PATJ: variants seen among roughly 807,000 people sequenced by gnomAD.
The protein encoded by PATJ is PATJ crumbs cell polarity complex component.
A neutral mutation model predicts 224.9 loss-of-function variants in PATJ; 190 were observed. That is an observed-to-expected ratio of 0.84 (90% confidence interval 0.75 to 0.95). PATJ has a LOEUF of 0.95. PATJ is among the 40% of genes least tolerant of loss of function. PATJ has a pLI of 0.00. For synonymous variants in PATJ, 769 were observed against 820.3 expected, an observed-to-expected ratio of 0.94 and a Z score of 1.07; for missense variants, 2,121 against 2,270.3, an observed-to-expected ratio of 0.93 and a Z score of 1.34.
chr1:61,810,024 T>C lies in PATJ; in HGVS notation c.1683+1494T>C, dbSNP rs374763251. 3.3e-5 allele frequency among the ~76,000 whole-genome samples: 5 copies of C among 151,726 alleles called. No individual in the cohort carries two copies. In the East Asian group the frequency reaches 9.9e-4, roughly 30 times the overall value. The stretch of plus-strand genomic sequence containing the variant: ...CACCACCCCCGGCTAATTTTTTTCT[T>C]TTTTAAGTAGAGATGGGGTTTCACC... On this transcript the variant is annotated intron_variant, in intron 14 of 43. Coordinates refer to ENST00000642238, the MANE Select transcript of PATJ (RefSeq NM_001350145.3).
At chr1:62,103,784 G>A (rs1433569613) in intron 33 of PATJ, among the ~76,000 whole-genome samples, 5 of 150,486 alleles carry the variant, frequency 3.3e-5, no homozygotes, top group East Asian at 1.9e-4. Context: ...GCAATCTATC[G>A]CTTCCTTACT....
intron 31 of PATJ, among the ~76,000 whole-genome samples, chr1:62,057,395 A>G (rs538042588): frequency 4.6e-5 from 7 of 152,308 alleles, no homozygotes; most frequent in African/African-American, 1.7e-4. Context: ...CAGCCAGGCC[A>G]TGTTAAGCAC....
At chr1:61,991,034 C>T (rs1053073080) in intron 28 of PATJ, among the ~76,000 whole-genome samples, 5 of 152,140 alleles carry the variant, frequency 3.3e-5, no homozygotes, top group African/African-American at 1.2e-4. Context: ...TTCATTCACT[C>T]ATTCTTTCAG....
chr1:62,023,597 C>T (rs201119468), intron 29 of PATJ, among the ~76,000 whole-genome samples: 4 of 152,030 alleles, frequency 2.6e-5, no homozygotes, highest in African/African-American at 9.7e-5. Flanking sequence ...GTCTTTGGGG[C>T]CCATGGGAAG....
chr1:61,928,824 T>G (rs1411621616), intron 27 of PATJ, among the ~76,000 whole-genome samples: 1 of 151,912 alleles, frequency 6.6e-6, no homozygotes, highest in Non-Finnish European at 1.5e-5. Context: ...ATAAAATAAA[T>G]AACTTTATGA....
intron 33 of PATJ, among the ~76,000 whole-genome samples, chr1:62,102,952 G>A (rs942822570): frequency 6.0e-5 from 9 of 151,238 alleles, no homozygotes; most frequent in Non-Finnish European, 5.9e-5. Context: ...TTTCTGTAGT[G>A]CAAACCCCTA....
At chr1:62,150,468 A>G (rs1387920106) in intron 42 of PATJ, among the ~76,000 whole-genome samples, 1 of 152,074 alleles carries the variant, frequency 6.6e-6, no homozygotes, top group Non-Finnish European at 1.5e-5. Flanking sequence ...TCAGTTAAGG[A>G]GTGTAGTTGG....
chr1:62,104,703 CA>C (rs1425155434), intron 33 of PATJ, among the ~76,000 whole-genome samples: 3 of 152,214 alleles, frequency 2.0e-5, no homozygotes, highest in East Asian at 3.9e-4. Context: ...GGCAGAGTCT[CA>C]TTCTGTCTTG....
chr1:61,755,815 ATTTTT>A (rs916288563), intron 1 of PATJ, among the ~76,000 whole-genome samples: 1 of 151,304 alleles, frequency 6.6e-6, no homozygotes, highest in African/African-American at 2.4e-5. Flanking sequence ...TCTTTTTATT[ATTTTT>A]TTTTAGACGG....
chr1:62,079,872 C>T (rs535970658), intron 32 of PATJ, among the ~76,000 whole-genome samples: 10 of 151,882 alleles, frequency 6.6e-5, no homozygotes, highest in South Asian at 4.2e-4. Flanking sequence ...ACTAAAAATA[C>T]GAAAAATTAG....
chr1:62,152,634 G>C (rs1668740126), intron 42 of PATJ, among the ~76,000 whole-genome samples: 1 of 151,678 alleles, frequency 6.6e-6, no homozygotes, highest in African/African-American at 2.4e-5. Flanking sequence ...CTGGGTGACA[G>C]AGCAAGACTC....
chr1:61,808,528 A>G lies in PATJ; in HGVS notation c.1681A>G (p.Lys561Glu), dbSNP rs367986948. ...TGATGCTGAGTTACAGAAATATTCA[A>G]AGGTAAGCATTTTTTATAACAAAGT... ...ADDAELQKYS[K>E]LLPIHTLRLG... The change falls in exon 14 of 44, where the codon AAG (lysine) becomes GAG (glutamate). Residue 561 changes from lysine (K) to glutamate (E), a missense_variant and splice_region_variant. Lys to Glu is a moderately conservative substitution (Grantham distance 56, BLOSUM62 1). Transcript: ENST00000642238. 5 of 1,595,324 alleles carry G rather than the reference A, an allele frequency of 3.1e-6. No individual in the cohort carries two copies. Among genetic ancestry groups the G allele is most frequent in the Non-Finnish European group, 4.3e-6 (5 of 1,163,776 alleles).
At position 62,018,143 on chromosome 1, in the gene PATJ, T is replaced by C. The variant is rs79861128; in HGVS notation, c.3959+196T>C. On this transcript the variant is annotated intron_variant, in intron 29 of 43. Coordinates refer to ENST00000642238, the MANE Select transcript of PATJ (RefSeq NM_001350145.3). This position sits in a 1 kb window ranked among gnomAD's most constrained non-coding sequence, Gnocchi z 4.2. Reference sequence around the variant, plus strand: ...GATTGTCTTATTTGCTTATGTTTCATGGGATAGAATTGGTAGCTGAGGCTA... The same window carrying C: ...GATTGTCTTATTTGCTTATGTTTCACGGGATAGAATTGGTAGCTGAGGCTA... 0.016 allele frequency among the ~76,000 whole-genome samples: 2,378 copies of C among 152,362 alleles called. 61 individuals are homozygous for C. The highest frequency in any genetic ancestry group is 0.054 in the African/African-American group (2,235 of 41,576).
At chr1:62,105,956 A>G (rs933644977) in intron 33 of PATJ, among the ~76,000 whole-genome samples, 9 of 144,732 alleles carry the variant, frequency 6.2e-5, no homozygotes, top group Non-Finnish European at 1.4e-4. Flanking sequence ...GCCTGGTGCT[A>G]TGGGACATGC....
chr1:62,111,047 CA>C (rs1206945034), intron 34 of PATJ, among the ~76,000 whole-genome samples: 1 of 152,204 alleles, frequency 6.6e-6, no homozygotes, highest in African/African-American at 2.4e-5. Context: ...AAATGGAAAC[CA>C]TGAACTTAGA....
intron 31 of PATJ, among the ~76,000 whole-genome samples, chr1:62,061,681 A>G (rs1034281567): frequency 6.7e-6 from 1 of 150,274 alleles, no homozygotes; most frequent in Non-Finnish European, 1.5e-5. Context: ...TTTTTTTGAG[A>G]TGGAGTCTCA....
intron 10 of PATJ, 49 bp from the exon 11 acceptor site, chr1:61,797,238 A>G: frequency 6.4e-7 from 1 of 1,572,918 alleles, no homozygotes; most frequent in Non-Finnish European, 8.7e-7. Context: ...AGAGCTAAAA[A>G]TAGTAGCTAA....
chr1:62,129,160 G>A (rs1666028071), intron 41 of PATJ, among the ~76,000 whole-genome samples: 1 of 152,136 alleles, frequency 6.6e-6, no homozygotes, highest in South Asian at 2.1e-4. Context: ...ATAACAAGGG[G>A]AGAAAAATTA....
intron 22 of PATJ, among the ~76,000 whole-genome samples, chr1:61,888,869 A>G (rs1394654765): frequency 6.6e-6 from 1 of 152,252 alleles, no homozygotes; most frequent in East Asian, 1.9e-4. Context: ...ATGCAGGCAC[A>G]GGCATTTAAG....
Sources: allele counts gnomAD v4.1 joint callset (sites outside exome capture counted in the v4.1 genomes callset), GRCh38; gene constraint gnomAD v4.1.1; non-coding constraint Gnocchi (gnomAD v3.1); transcripts MANE v1.5; gene names NCBI Gene and HGNC (gene_info 2026-07-23, HGNC 2026-07-21).